Variants in ASB14 observed in about 807,000 individuals in gnomAD.
ASB14 encodes ankyrin repeat and SOCS box protein 14.
Under a neutral mutation model 55.6 loss-of-function variants are expected in ASB14, and 63 were observed. The ratio of observed to expected loss-of-function variants is 1.13; its 90% CI spans 0.92 to 1.40. ASB14 has a LOEUF of 1.40. ASB14 is among the 40% of genes most tolerant of loss of function. ASB14 has a pLI of 0.00. For missense variants in ASB14, 724 were observed against 710.4 expected (o/e 1.02, Z -0.22); for synonymous variants, 256 against 259.9 (o/e 0.98, Z 0.15).
intron 7 of ASB14, 136 bp downstream of exon 7, chr3:57,280,163 CAAA>C (rs138493152): frequency 5.6e-3 from 1,198 of 214,730 alleles, no homozygotes; most frequent in South Asian, 0.011. Context: ...GACAGCATCT[CAAA>C]AAAAAAAAAA....
Position 57,283,213 on chromosome 3 carries a change from C to A in ASB14, c.696G>T (p.Met232Ile). ...TCTTGCCTTTCCGCAGTAACATTTC[C>A]ATGATTTCAGTGTGTCCACTTTGGG... ...LAAQSGHTEI[M>I]EMLLRKGANA... Residue 232 changes from methionine (M) to isoleucine (I), a missense_variant, in exon 6 of 11, where the codon ATG (methionine) becomes ATT (isoleucine). Transcript: ENST00000487349. 1 of 1,552,196 alleles carries A rather than the reference C, an allele frequency of 6.4e-7. No individual in the cohort carries two copies. The highest frequency in any genetic ancestry group is 8.7e-7 in the Non-Finnish European group (1 of 1,147,058).
chr3:57,291,778 T>TA lies in ASB14; in HGVS notation c.122+133dup, dbSNP rs2061132448. 4.4e-6 allele frequency: 3 copies of TA among 682,018 alleles called. 1 individual carries two copies. The South Asian group carries it at 7.7e-5, about 17-fold the overall frequency. 42.2% of individuals were successfully genotyped at this position (682,018 alleles called of 1,614,324 possible). A position where few individuals can be genotyped will look rare whatever the true frequency, so the allele number is the denominator to read the frequency against. ...TCCTGTCTAGTTAGGCATAATATCT[T>TA]ACAGATATTTAATTGACAGCTCCTT... On this transcript the variant is annotated intron_variant, in intron 2 of 10. Coordinates refer to ENST00000487349, the MANE Select transcript of ASB14 (RefSeq NM_001142733.3).
chr3:57,277,632 A>C (rs1352896245), intron 9 of ASB14, 135 bp downstream of exon 9: 5 of 756,542 alleles, frequency 6.6e-6, no homozygotes, highest in Middle Eastern at 3.5e-4. Flanking sequence ...TAACATTTTT[A>C]AAGATAGGAA....
Position 57,269,413 on chromosome 3 carries a change from C to T in ASB14, c.*228G>A. ...GTTTGGGTGTAGCTTTTCTTTTTAT[C>T]AAGTTGTCAGAAGTATGCATACATA... On this transcript the variant is annotated 3_prime_UTR_variant, in exon 11 of 11. Transcript: ENST00000487349. The T allele has an allele frequency of 1.2e-6, 1 of 866,806 alleles. No homozygotes were observed. 53.7% of individuals were successfully genotyped at this position (866,806 alleles called of 1,614,324 possible). A position where few individuals can be genotyped will look rare whatever the true frequency, so the allele number is the denominator to read the frequency against.
At position 57,292,092 on chromosome 3, in the gene ASB14, G is replaced by A; in HGVS notation, c.-59C>T. The A allele has an allele frequency of 6.9e-7, 1 of 1,440,110 alleles. No homozygotes were observed. Among genetic ancestry groups the A allele is most frequent in the Non-Finnish European group, 9.2e-7 (1 of 1,090,518 alleles). The allele number at this position is 1,440,110 out of a possible 1,614,324, so 89.2% of individuals were successfully genotyped here. A position where few individuals can be genotyped will look rare whatever the true frequency, so the allele number is the denominator to read the frequency against. Reference sequence around the variant, plus strand: ...GTGAATTAAAAGTATTTTTCCAGTTGTGAAGAGATCAACTGCTTAAAATTA... The same window carrying A: ...GTGAATTAAAAGTATTTTTCCAGTTATGAAGAGATCAACTGCTTAAAATTA... On this transcript the variant is annotated 5_prime_UTR_variant, in exon 2 of 11. Transcript: ENST00000487349.
chr3:57,285,025 G>A (rs959581168), intron 5 of ASB14, among the ~76,000 whole-genome samples: 2 of 144,540 alleles, frequency 1.4e-5, no homozygotes, highest in African/African-American at 5.2e-5. Flanking sequence ...CTGCAACCTC[G>A]TCTCTCCCTG....
chr3:57,271,045 G>A (rs2060934804), intron 10 of ASB14: 1 of 151,872 alleles, frequency 6.6e-6, no homozygotes. Context: ...TTAATATAGT[G>A]GGTAAAATAC....
rs1202642531 is a variant in ASB14, at chr3:57,276,728, G to T, written c.1586C>A (p.Thr529Lys). ...CAAATGTTTTAGGGAGCGAGGGTTT[G>T]CTAAAAAGAAAAGGCACATTATCCA... is the stretch of plus-strand genomic sequence containing the variant. ...GIWSEIHFIL[T>K]NPRSLKHLCR... The change falls in exon 10 of 11, where the codon ACA becomes AAA. Residue 529 changes from threonine (T) to lysine (K), a missense_variant and splice_region_variant. Thr to Lys is a moderately conservative substitution (Grantham distance 78). Transcript: ENST00000487349. The T allele has an allele frequency of 6.2e-7, 1 of 1,603,432 alleles. No individual in the cohort carries two copies. Among genetic ancestry groups the T allele is most frequent in the Non-Finnish European group, 8.5e-7 (1 of 1,176,208 alleles).
In ASB14 at chr3:57,287,987, C is replaced by T; in HGVS notation, c.383G>A (p.Cys128Tyr). The part of the protein sequence containing the change: ...ETPLFLAVSS[C>Y]LLENATFLLL... ...AAGAAAAGTGGCATTTTCTAAGAGG[C>T]AACTGCTGACAGCCAAAAAAAGTGG... The change falls in exon 5 of 11, where the codon TGC becomes TAC. Residue 128 changes from cysteine to tyrosine, a missense_variant. Cys to Tyr is a radical substitution (Grantham distance 194). Transcript: ENST00000487349. 1 of 1,537,306 alleles carries T rather than the reference C, an allele frequency of 6.5e-7. No individual in the cohort carries two copies. Among genetic ancestry groups the T allele is most frequent in the Non-Finnish European group, 8.7e-7 (1 of 1,146,894 alleles).
intron 5 of ASB14, among the ~76,000 whole-genome samples, chr3:57,285,537 G>A (rs185838649): frequency 3.0e-4 from 45 of 152,100 alleles, no homozygotes; most frequent in Admixed American, 1.3e-3. Context: ...TAATATTTTT[G>A]TAGCATAATT....
At chr3:57,272,911 T>TA (rs1192736731) in intron 10 of ASB14, 13 of 152,342 alleles carry the variant, frequency 8.5e-5, no homozygotes, top group African/African-American at 3.1e-4. Flanking sequence ...AAAATGAAAT[T>TA]ATTAATGTTG....
intron 5 of ASB14, among the ~76,000 whole-genome samples, chr3:57,285,983 C>G (rs142220566): frequency 2.0e-5 from 3 of 152,304 alleles, no homozygotes; most frequent in African/African-American, 7.2e-5. Flanking sequence ...CAGTAGGGAA[C>G]AAGAAAGTTT....
chr3:57,288,996 G>A (rs1378426733), intron 3 of ASB14, 72 bp downstream of exon 3: 1 of 1,211,602 alleles, frequency 8.3e-7, no homozygotes, highest in Non-Finnish European at 1.2e-6. Flanking sequence ...GGGATTACAG[G>A]CGTGAGCCAC....
intron 5 of ASB14, among the ~76,000 whole-genome samples, chr3:57,287,246 C>T (rs6781622): frequency 1 from 152,166 of 152,286 alleles, 76,023 homozygotes; most frequent in Middle Eastern, 1. Flanking sequence ...GGTTTAACAA[C>T]AGGTTGATAT....
intron 7 of ASB14, 116 bp downstream of exon 7, chr3:57,280,186 A>AAAT: frequency 4.7e-6 from 3 of 636,792 alleles, no homozygotes; most frequent in Non-Finnish European, 7.1e-6. Flanking sequence ...AAAAAAAAAA[A>AAAT]GTATGTTTAG....
rs2061108046 is a variant in ASB14 at position 57,289,133 on chromosome 3, A to G, written c.123-10T>C. ...CAAAAAGGAATGCAAACTGCAAAGA[A>G]AAAAATACATATGTAATTCCAAAAC... is the stretch of plus-strand genomic sequence containing the variant. On this transcript the variant is annotated splice_polypyrimidine_tract_variant and intron_variant, in intron 2 of 10. Coordinates refer to ENST00000487349, the MANE Select transcript of ASB14 (RefSeq NM_001142733.3). The G allele has an allele frequency of 2.0e-6, 3 of 1,510,918 alleles. No homozygotes were observed. The highest frequency in any genetic ancestry group is 2.0e-5 in the Admixed American group (1 of 50,886). The allele number at this position is 1,510,918 out of a possible 1,614,324, so 93.6% of individuals were successfully genotyped here.
chr3:57,287,963 A>C lies in ASB14; in HGVS notation c.407T>G (p.Leu136Arg). Residue 136 changes from leucine (L) to arginine (R), a missense_variant, in exon 5 of 11, where the codon CTT (leucine) becomes CGT (arginine). Transcript: ENST00000487349. Reference protein sequence around the residue: ...SSCLLENATFLLLNGCNPNAK... With the variant: ...SSCLLENATFRLLNGCNPNAK... The stretch of plus-strand genomic sequence containing the variant: ...ATTTGGATTGCAGCCATTGAGAAGA[A>C]GAAAAGTGGCATTTTCTAAGAGGCA... The C allele has an allele frequency of 6.5e-7, 1 of 1,537,340 alleles. No homozygotes were observed. Among genetic ancestry groups the C allele is most frequent in the Non-Finnish European group, 8.7e-7 (1 of 1,146,932 alleles).
intron 5 of ASB14, among the ~76,000 whole-genome samples, chr3:57,285,193 G>A (rs866180260): frequency 1.3e-4 from 19 of 151,914 alleles, no homozygotes; most frequent in Admixed American, 2.6e-4. Context: ...GGCCGGCCTC[G>A]GCCTCCCAAA....
intron 6 of ASB14, among the ~76,000 whole-genome samples, chr3:57,282,507 G>T (rs2061048082): frequency 6.6e-6 from 1 of 152,160 alleles, no homozygotes; most frequent in African/African-American, 2.4e-5. Flanking sequence ...GTTAAGCCAG[G>T]ATTCAAAATG....
Sources: gnomAD v4.1 joint callset for allele counts (sites outside exome capture counted in the v4.1 genomes callset) on GRCh38, gnomAD v4.1.1 for gene constraint, MANE v1.5 for transcripts, NCBI Gene and HGNC (gene_info 2026-07-23, HGNC 2026-07-21) for gene names.